CLK1: variants seen among roughly 807,000 people sequenced by gnomAD.
The protein encoded by CLK1 is dual specificity protein kinase CLK1.
A neutral mutation model predicts 60.9 loss-of-function variants in CLK1; 40 were observed. That is an observed-to-expected ratio of 0.66 (90% CI 0.51 to 0.86). The LOEUF (loss-of-function observed/expected upper bound fraction) is 0.86. Among genes scored for constraint, CLK1 ranks in the 40% least tolerant of loss-of-function variants. The pLI is 0.00. For missense variants in CLK1, 563 were observed against 606.1 expected, an observed-to-expected ratio of 0.93 and a Z score of 0.75; for synonymous variants, 203 against 184.4, an observed-to-expected ratio of 1.10 and a Z score of -0.82.
chr2:200,864,270 A>G, intron 1 of CLK1: 6 of 1,500,032 alleles, frequency 4.0e-6, no homozygotes, highest in Non-Finnish European at 5.3e-6. Context: ...CGCCCGCCCG[A>G]CCGTCCCGCG....
At position 200,857,722 on chromosome 2, in the gene CLK1, C is replaced by A; in HGVS notation, c.828G>T (p.Val276=). The change falls in exon 7 of 13, where the codon GTG becomes GTT. Residue 276 remains valine (V), a synonymous_variant. Coordinates refer to ENST00000321356, the MANE Select transcript of CLK1 (RefSeq NM_004071.4). ...RKMAYQICKS[V]NFLHSNKLTH... ...GAAGATATACCAAGAACTTACAATT[C>A]ACAGACTTGCATATCTGATATGCCA... 6.3e-7 allele frequency: 1 copy of A among 1,586,014 alleles called. No homozygotes were observed. Among genetic ancestry groups the A allele is most frequent in the South Asian group, 1.2e-5 (1 of 86,354 alleles).
chr2:200,856,380 C>G (rs1214205714), intron 9 of CLK1, among the ~76,000 whole-genome samples: 2 of 152,008 alleles, frequency 1.3e-5, no homozygotes, highest in African/African-American at 4.8e-5. Context: ...CTTGGCCTCC[C>G]AAAGTGCTGA....
rs2039010395 is a variant in CLK1 at position 200,854,660 on chromosome 2, T to C, written c.1176A>G (p.Glu392=). 5 of 1,610,390 alleles carry C rather than the reference T, an allele frequency of 3.1e-6. No individual in the cohort carries two copies. Among genetic ancestry groups the C allele is most frequent in the Non-Finnish European group, 4.2e-6 (5 of 1,176,738 alleles). Residue 392 remains glutamate, a synonymous_variant, in exon 11 of 13, where the codon GAA becomes GAG. Coordinates refer to ENST00000321356, the MANE Select transcript of CLK1 (RefSeq NM_004071.4). ...HDSKEHLAMM[E]RILGPLPKHM... ...GTTTTGGTAGAGGTCCAAGAATCCTTTCCATCATTGCTAAATGCTCCTTAC... is the reference window on the plus strand; with the variant it reads ...GTTTTGGTAGAGGTCCAAGAATCCTCTCCATCATTGCTAAATGCTCCTTAC...
At chr2:200,854,722 G>A (rs1413377756) in intron 10 of CLK1, 27 bp from the exon 11 acceptor site, 1 of 1,499,904 alleles carries the variant, frequency 6.7e-7, no homozygotes, top group Non-Finnish European at 9.3e-7. Context: ...AACAGACTTG[G>A]GGAAGATGAC....
chr2:200,859,143 C>G (rs1479444862), intron 5 of CLK1, among the ~76,000 whole-genome samples: 1 of 152,018 alleles, frequency 6.6e-6, no homozygotes, highest in African/African-American at 2.4e-5. Context: ...GATTGCGCCA[C>G]TGCACTCCAC....
chr2:200,859,425 A>G (rs972207101), intron 5 of CLK1, among the ~76,000 whole-genome samples: 24 of 152,212 alleles, frequency 1.6e-4, no homozygotes, highest in African/African-American at 5.8e-4. Flanking sequence ...AACAGTGTCC[A>G]GTTGAACAAC....
Position 200,861,281 on chromosome 2 carries a change from T to G in CLK1, c.347A>C (p.Lys116Thr), listed in dbSNP as rs1308799403. 1 of 1,614,166 alleles carries G rather than the reference T, an allele frequency of 6.2e-7. No individual in the cohort carries two copies. The highest frequency in any genetic ancestry group is 1.3e-5 in the African/African-American group (1 of 75,062). The change falls in exon 3 of 13, where the codon AAA (lysine) becomes ACA (threonine). Residue 116 changes from lysine to threonine, a missense_variant. This residue lies in a region of CLK1 where 198 missense variants were observed against 179.2 expected (regional missense o/e 1.10). Coordinates refer to ENST00000321356, the MANE Select transcript of CLK1 (RefSeq NM_004071.4). ...GRSGRSSYKS[K>T]HRIHHSTSHR... ...TGAAGTACTGTGGTGAATCCTGTGT[T>G]TGCTTTTATAACTACTTCTTCCACT...
In CLK1 at chr2:200,861,264, T is replaced by C. The variant is rs1338441398; in HGVS notation, c.364A>G (p.Ser122Gly). The change falls in exon 3 of 13, where the codon AGT (serine) becomes GGT (glycine). Residue 122 changes from serine (S) to glycine (G), a missense_variant. Coordinates refer to ENST00000321356, the MANE Select transcript of CLK1 (RefSeq NM_004071.4). ...CCATGTGAACGACGATGTGAAGTAC[T>C]GTGGTGAATCCTGTGTTTGCTTTTA... ...SYKSKHRIHH[S>G]TSHRRSHGKS... 3 of 1,614,094 alleles carry C rather than the reference T, an allele frequency of 1.9e-6. No individual in the cohort carries two copies. The highest frequency in any genetic ancestry group is 2.7e-5 in the African/African-American group (2 of 74,944).
At chr2:200,854,189 T>C (rs1241522441) in intron 11 of CLK1, 196 bp from the exon 12 acceptor site, 2 of 477,458 alleles carry the variant, frequency 4.2e-6, no homozygotes, top group African/African-American at 2.0e-5. Context: ...CTTCATTATT[T>C]ATAAAGTCCT....
rs112992152 is a variant in CLK1 at position 200,854,314 on chromosome 2, T to C, written c.1220+302A>G. Among the ~76,000 whole-genome samples, 799 of 152,088 alleles carry C rather than the reference T, an allele frequency of 5.3e-3. 6 individuals carry two copies. Among genetic ancestry groups the C allele is most frequent in the African/African-American group, 0.018 (751 of 41,478 alleles). On this transcript the variant is annotated intron_variant, in intron 11 of 12. Coordinates refer to ENST00000321356, the MANE Select transcript of CLK1 (RefSeq NM_004071.4). ...ACTTTGGGAGGCCGAGGTGGGCGGA[T>C]CACAAGGTCAGGAGATCGAGACCAT... is the stretch of plus-strand genomic sequence containing the variant.
At chr2:200,862,516 A>C (rs2039156160) in intron 1 of CLK1, among the ~76,000 whole-genome samples, 1 of 151,852 alleles carries the variant, frequency 6.6e-6, no homozygotes, top group Non-Finnish European at 1.5e-5. Flanking sequence ...ATTGCTCTTA[A>C]CTCCACCGCC....
Position 200,861,327 on chromosome 2 carries a change from T to G in CLK1, c.301A>C (p.Ser101Arg), listed in dbSNP as rs2039134067. 2.5e-6 allele frequency: 4 copies of G among 1,614,190 alleles called. No individual in the cohort carries two copies. Among genetic ancestry groups the G allele is most frequent in the Non-Finnish European group, 3.4e-6 (4 of 1,180,012 alleles). ...RDHESRYQNHSSKSSGRSGRS... is the reference protein window; with the variant it reads ...RDHESRYQNHRSKSSGRSGRS... ...CCACTTCTACCAGAAGACTTGCTAC[T>G]ATGGTTCTGATACCGGCTTTCATGG... is the stretch of plus-strand genomic sequence containing the variant. Residue 101 changes from serine (S) to arginine (R), a missense_variant, in exon 3 of 13, where the codon AGT becomes CGT. Coordinates refer to ENST00000321356, the MANE Select transcript of CLK1 (RefSeq NM_004071.4).
chr2:200,856,692 T>G lies in CLK1; in HGVS notation c.1047A>C (p.Glu349Asp). Residue 349 changes from glutamate to aspartate, a missense_variant, in exon 9 of 13, where the codon GAA (glutamate) becomes GAC (aspartate). Glu to Asp is a conservative substitution (Grantham distance 45). Transcript: ENST00000321356. ...ACAATTAATACTCACCTAAAATAAC[T>G]TCAGGTGCTCTATAATGTCTTGTAG... ...LVSTRHYRAP[E>D]VILALGWSQP... 1 of 1,583,330 alleles carries G rather than the reference T, an allele frequency of 6.3e-7. No homozygotes were observed. Among genetic ancestry groups the G allele is most frequent in the Non-Finnish European group, 8.6e-7 (1 of 1,166,790 alleles).
Position 200,859,712 on chromosome 2 carries a change from A to C in CLK1, c.516T>G (p.Phe172Leu). 1 of 1,613,752 alleles carries C rather than the reference A, an allele frequency of 6.2e-7. No individual in the cohort carries two copies. Among genetic ancestry groups the C allele is most frequent in the Non-Finnish European group, 8.5e-7 (1 of 1,179,868 alleles). ...EIVDTLGEGA[F>L]GKVVECIDHK... ...GATCGATGCACTCCACAACTTTTCC[A>C]AAAGCTCCTTCACCTAAAGTATCAA... The change falls in exon 5 of 13, where the codon TTT becomes TTG. Residue 172 changes from phenylalanine to leucine, a missense_variant. Phe to Leu is a conservative substitution (Grantham distance 22). Coordinates refer to ENST00000321356, the MANE Select transcript of CLK1 (RefSeq NM_004071.4).
chr2:200,864,433 T>C (rs541706762), intron 1 of CLK1, 131 bp downstream of exon 1: 4 of 621,872 alleles, frequency 6.4e-6, no homozygotes, highest in Non-Finnish European at 7.7e-6. Context: ...AGCCTGGGAG[T>C]GAAGGGAGCA....
chr2:200,853,660 G>GTAAAACT (rs1249906714), intron 12 of CLK1, among the ~76,000 whole-genome samples: 4 of 102,288 alleles, frequency 3.9e-5, no homozygotes, highest in Non-Finnish European at 7.3e-5. Context: ...GGCCAACATA[G>GTAAAACT]TAAAACTTGT....
At chr2:200,854,719 T>C in intron 10 of CLK1, 24 bp from the exon 11 acceptor site, 1 of 1,509,316 alleles carries the variant, frequency 6.6e-7, no homozygotes, top group Non-Finnish European at 9.2e-7. Context: ...AAAAACAGAC[T>C]TGGGGAAGAT....
chr2:200,864,018 G>A (rs931319320), intron 1 of CLK1: 20 of 1,432,708 alleles, frequency 1.4e-5, no homozygotes, highest in Non-Finnish European at 1.9e-5. Context: ...TGAGGACAAA[G>A]CCACTCGCGA....
chr2:200,855,156 A>G, intron 9 of CLK1, 70 bp from the exon 10 acceptor site: 1 of 1,183,268 alleles, frequency 8.5e-7, no homozygotes, highest in Non-Finnish European at 1.2e-6. Context: ...AAAGTTAGTT[A>G]ACACTAATAC....
Sources: allele counts gnomAD v4.1 joint callset (sites outside exome capture counted in the v4.1 genomes callset), GRCh38; gene constraint gnomAD v4.1.1; regional missense constraint gnomAD v4.1.1; transcripts MANE v1.5; gene names NCBI Gene and HGNC (gene_info 2026-07-23, HGNC 2026-07-21).